FOXP2: variants seen among roughly 807,000 people sequenced by gnomAD.
FOXP2 encodes the protein forkhead box P2.
A neutral mutation model predicts 115.8 loss-of-function variants in FOXP2; 12 were observed. The ratio of observed to expected loss-of-function variants is 0.10; its 90% CI spans 0.07 to 0.17. The LOEUF is 0.17. Among genes scored for constraint, FOXP2 ranks in the 10% least tolerant of loss-of-function variants. The pLI, the probability that FOXP2 is intolerant of heterozygous loss-of-function variation, is 1.00. For missense variants in FOXP2, 629 were observed against 843.5 expected (o/e 0.75, Z 3.15); for synonymous variants, 328 against 297.7 (o/e 1.10, Z -1.05).
At chr7:114,653,646 C>T (rs1806409511) in intron 9 of FOXP2, among the ~76,000 whole-genome samples, 1 of 152,142 alleles carries the variant, frequency 6.6e-6, no homozygotes, top group Non-Finnish European at 1.5e-5. Context: ...GTTTCAGTAA[C>T]TTGTTACTGT....
At chr7:114,239,376 C>T (rs909983553) in intron 1 of FOXP2, among the ~76,000 whole-genome samples, 7 of 152,120 alleles carry the variant, frequency 4.6e-5, no homozygotes, top group Non-Finnish European at 8.8e-5. Context: ...AAAGTCTTTA[C>T]TTAATGTCAA....
At chr7:114,297,355 TG>T in intron 2 of FOXP2, 1 of 702,506 alleles carries the variant, frequency 1.4e-6, no homozygotes, top group Non-Finnish European at 2.4e-6. Flanking sequence ...CGGCTGTGCC[TG>T]GGCTTGCTCA....
At chr7:114,387,828 T>TTGCGG (rs1792490100) in intron 2 of FOXP2, among the ~76,000 whole-genome samples, 1 of 152,130 alleles carries the variant, frequency 6.6e-6, no homozygotes, top group African/African-American at 2.4e-5. Flanking sequence ...AGTTAGCATA[T>TTGCGG]TGCTGTTGAA....
At chr7:114,308,203 G>T (rs1797061928) in intron 2 of FOXP2, among the ~76,000 whole-genome samples, 1 of 152,074 alleles carries the variant, frequency 6.6e-6, no homozygotes, top group Non-Finnish European at 1.5e-5. Flanking sequence ...AAGAACTTTT[G>T]TACAAAATAG....
At chr7:114,674,085 T>A (rs1481672231) in intron 16 of FOXP2, among the ~76,000 whole-genome samples, 1 of 152,232 alleles carries the variant, frequency 6.6e-6, no homozygotes, top group African/African-American at 2.4e-5. Context: ...TTATAAGCTG[T>A]CATCATTAAG....
intron 1 of FOXP2, among the ~76,000 whole-genome samples, chr7:114,155,886 T>C (rs1005880276): frequency 6.6e-6 from 1 of 152,146 alleles, no homozygotes; most frequent in African/African-American, 2.4e-5. Context: ...GAGTTTTGTA[T>C]GTCAGCATGT....
intron 3 of FOXP2, among the ~76,000 whole-genome samples, chr7:114,552,822 ATATAAT>A (rs1383974389): frequency 6.6e-6 from 1 of 152,172 alleles, no homozygotes; most frequent in Non-Finnish European, 1.5e-5. Flanking sequence ...ATATTTAGAA[ATATAAT>A]TATATAGAGG....
intron 3 of FOXP2, among the ~76,000 whole-genome samples, chr7:114,615,751 T>G (rs1052903293): frequency 6.6e-6 from 1 of 152,202 alleles, no homozygotes; most frequent in Non-Finnish European, 1.5e-5. Context: ...ACTGTACGGG[T>G]CCCTTGCTGA....
At chr7:114,290,682 C>T (rs1020020798) in intron 2 of FOXP2, among the ~76,000 whole-genome samples, 1 of 152,016 alleles carries the variant, frequency 6.6e-6, no homozygotes, top group Non-Finnish European at 1.5e-5. Flanking sequence ...GTGAGCAAGA[C>T]TGCAAATAGA....
At chr7:114,256,284 T>C (rs1423722650) in intron 1 of FOXP2, among the ~76,000 whole-genome samples, 1 of 152,154 alleles carries the variant, frequency 6.6e-6, no homozygotes, top group Non-Finnish European at 1.5e-5. Context: ...TTTGTATTTT[T>C]TTAGTAGAGA....
chr7:114,452,483 C>T (rs567393679), intron 2 of FOXP2, among the ~76,000 whole-genome samples: 1 of 152,118 alleles, frequency 6.6e-6, no homozygotes, highest in East Asian at 1.9e-4. Flanking sequence ...TGCATGAGTA[C>T]AGCTCATGAT....
chr7:114,571,597 G>A (rs1034623290), intron 3 of FOXP2, among the ~76,000 whole-genome samples: 9 of 151,716 alleles, frequency 5.9e-5, no homozygotes, highest in Admixed American at 5.3e-4. Flanking sequence ...CAAAATAGTT[G>A]GGGAAAAAAT....
intron 3 of FOXP2, among the ~76,000 whole-genome samples, chr7:114,602,176 A>C (rs190332470): frequency 6.6e-6 from 1 of 152,190 alleles, no homozygotes; most frequent in Non-Finnish European, 1.5e-5. Context: ...ATTAAGAGAA[A>C]GCATATTTAG....
At chr7:114,531,899 A>T (rs1013686951) in intron 2 of FOXP2, among the ~76,000 whole-genome samples, 3 of 151,966 alleles carry the variant, frequency 2.0e-5, no homozygotes, top group African/African-American at 7.2e-5. Context: ...TTGTCTACAG[A>T]CATTACGTAG....
chr7:114,556,128 G>T (rs1028405164), intron 3 of FOXP2, among the ~76,000 whole-genome samples: 1 of 152,122 alleles, frequency 6.6e-6, no homozygotes, highest in Non-Finnish European at 1.5e-5. Context: ...ATGTCAAATG[G>T]TAAGAAGTTT....
At chr7:114,411,108 G>A (rs1793152240), upstream of FOXP2, among the ~76,000 whole-genome samples, 1 of 152,080 alleles carries the variant, frequency 6.6e-6, no homozygotes, top group African/African-American at 2.4e-5. Flanking sequence ...TTGGGATTCA[G>A]TGCAACTCTG....
At chr7:114,217,531 G>T (rs1017921783) in intron 1 of FOXP2, among the ~76,000 whole-genome samples, 1 of 152,098 alleles carries the variant, frequency 6.6e-6, no homozygotes, top group Non-Finnish European at 1.5e-5. Context: ...AACACTGGAA[G>T]CTAGATAACA....
chr7:114,350,463 T>C (rs561030254), intron 2 of FOXP2, among the ~76,000 whole-genome samples: 9 of 152,298 alleles, frequency 5.9e-5, no homozygotes, highest in Admixed American at 1.3e-4. Context: ...ATACTTTTAT[T>C]GAACTTTTTT....
Position 114,693,574 on chromosome 7 carries a change from C to T in FOXP2, c.*3648C>T, listed in dbSNP as rs923329122. The T allele has an allele frequency of 4.6e-5, 21 of 452,994 alleles. No homozygotes were observed. The highest frequency in any genetic ancestry group is 1.2e-4 in the African/African-American group (6 of 50,000). 28.1% of individuals were successfully genotyped at this position (452,994 alleles called of 1,614,324 possible). A position where few individuals can be genotyped will look rare whatever the true frequency, so the allele number is the denominator to read the frequency against. On this transcript the variant is annotated 3_prime_UTR_variant, in exon 17 of 17. Coordinates refer to ENST00000350908, the MANE Select transcript of FOXP2 (RefSeq NM_014491.4). ...GTTATTTCACTAGTTCAGGTTGCAA[C>T]GAAAGGTTTTTTTGTCCATGAACAC...
Sources: gnomAD v4.1 joint callset for allele counts (sites outside exome capture counted in the v4.1 genomes callset) on GRCh38, gnomAD v4.1.1 for gene constraint, MANE v1.5 for transcripts, NCBI Gene and HGNC (gene_info 2026-07-23, HGNC 2026-07-21) for gene names.